The following CMC1 variants were observed in gnomAD, a reference collection of about 807,000 sequenced individuals.
The protein encoded by CMC1 is C-X9-C motif containing 1.
In CMC1, 14 loss-of-function variants were observed where a neutral mutation model predicts 14.1. The ratio of observed to expected loss-of-function variants is 0.99; its 90% CI spans 0.66 to 1.55. CMC1 has a LOEUF of 1.55. Among genes scored for constraint, CMC1 ranks in the 40% most tolerant of loss-of-function variants. The pLI is 0.00. For synonymous variants in CMC1, 50 were observed against 38.4 expected (o/e 1.30, Z -1.12); for missense variants, 127 against 123.8 (o/e 1.03, Z -0.12).
chr3:28,269,630 A>G (rs142830476), intron 2 of CMC1, among the ~76,000 whole-genome samples: 308 of 151,870 alleles, frequency 2.0e-3, no homozygotes, highest in African/African-American at 6.9e-3. Flanking sequence ...TAGTGGCGCA[A>G]TCTCAGCTCA....
At chr3:28,249,589 C>G (rs185980945) in intron 1 of CMC1, among the ~76,000 whole-genome samples, 1 of 152,246 alleles carries the variant, frequency 6.6e-6, no homozygotes, top group East Asian at 1.9e-4. Flanking sequence ...ATATCAATGC[C>G]TGGCTTTTAC....
chr3:28,290,276 A>G (rs1362920463), intron 2 of CMC1, among the ~76,000 whole-genome samples: 2 of 152,054 alleles, frequency 1.3e-5, no homozygotes, highest in African/African-American at 2.4e-5. Context: ...TTTATTGCCA[A>G]TAGTTAATTT....
chr3:28,254,359 T>C (rs906227436), intron 1 of CMC1, among the ~76,000 whole-genome samples: 5 of 151,598 alleles, frequency 3.3e-5, no homozygotes, highest in Non-Finnish European at 5.9e-5. Flanking sequence ...TAGTGGCTGG[T>C]ATGCTATCAA....
intron 3 of CMC1, chr3:28,316,780 T>C (rs547907259): frequency 2.5e-5 from 4 of 158,108 alleles, no homozygotes; most frequent in African/African-American, 9.6e-5. Flanking sequence ...TCTCTGAGAC[T>C]TCCTCCAGCC....
intron 1 of CMC1, among the ~76,000 whole-genome samples, chr3:28,251,374 C>A (rs1172610845): frequency 5.9e-5 from 9 of 152,290 alleles, no homozygotes; most frequent in Middle Eastern, 3.4e-3. Flanking sequence ...AGCAGGAATT[C>A]ATTACTGCTA....
At chr3:28,307,472 G>C (rs776691931) in intron 2 of CMC1, among the ~76,000 whole-genome samples, 1 of 152,116 alleles carries the variant, frequency 6.6e-6, no homozygotes, top group Non-Finnish European at 1.5e-5. Context: ...AGGCTACAGA[G>C]AGCTATGATC....
At chr3:28,252,892 C>G (rs1699203804) in intron 1 of CMC1, among the ~76,000 whole-genome samples, 1 of 152,146 alleles carries the variant, frequency 6.6e-6, no homozygotes, top group East Asian at 1.9e-4. Flanking sequence ...ATTCATTGCC[C>G]TCATCTTCAG....
chr3:28,309,352 G>A (rs755653567), intron 2 of CMC1, among the ~76,000 whole-genome samples: 10 of 151,906 alleles, frequency 6.6e-5, no homozygotes, highest in South Asian at 2.1e-4. Flanking sequence ...AAATTCATAT[G>A]CTATTCCTTT....
chr3:28,308,924 A>C (rs1436422389), intron 2 of CMC1, among the ~76,000 whole-genome samples: 2 of 151,964 alleles, frequency 1.3e-5, no homozygotes, highest in African/African-American at 4.8e-5. Context: ...CGGAGGTTGC[A>C]GTGAGCCAAG....
rs1041070669 is a variant in CMC1, at chr3:28,323,172, G to T, written c.*3543G>T. The T allele has an allele frequency of 6.6e-6, 1 of 150,956 alleles. No homozygotes were observed. Among genetic ancestry groups the T allele is most frequent in the Non-Finnish European group, 1.5e-5 (1 of 67,290 alleles). The allele number at this position is 150,956 out of a possible 1,614,324, so 9.4% of individuals were successfully genotyped here. A position where few individuals can be genotyped will look rare whatever the true frequency, so the allele number is the denominator to read the frequency against. On this transcript the variant is annotated 3_prime_UTR_variant, in exon 4 of 4. Coordinates refer to ENST00000466830, the MANE Select transcript of CMC1 (RefSeq NM_182523.2). The stretch of plus-strand genomic sequence containing the variant: ...ATTTAGAAGCTGCTCTACACAATGT[G>T]CAGCTAGCTGTAGTCTCTTTGAAGA...
At chr3:28,318,967 T>G (rs1369016217) in intron 3 of CMC1, 1 of 244,390 alleles carries the variant, frequency 4.1e-6, no homozygotes, top group Non-Finnish European at 8.3e-6. Flanking sequence ...ATGATTTGAC[T>G]TTTGCCCATT....
chr3:28,285,110 A>AT lies in CMC1; in HGVS notation c.109+21731dup, dbSNP rs576380602. Among the ~76,000 whole-genome samples the AT allele has an allele frequency of 2.6e-4, 40 of 152,288 alleles. 1 individual carries two copies. In the South Asian group the frequency reaches 8.3e-3, roughly 32 times the overall value. ...GAGATTCCTAAGTACTTAGGATGTA[A>AT]TGCTAATAATTAATTGATGAATTTA... is the stretch of plus-strand genomic sequence containing the variant. On this transcript the variant is annotated intron_variant, in intron 2 of 3. Transcript: ENST00000466830.
chr3:28,316,565 A>G (rs1174820398), intron 3 of CMC1, 142 bp downstream of exon 3: 4 of 419,466 alleles, frequency 9.5e-6, no homozygotes, highest in Non-Finnish European at 1.7e-5. Context: ...AAGTTCCAGT[A>G]CAGTCTTAAA....
chr3:28,303,227 A>G (rs1702149178), intron 2 of CMC1, among the ~76,000 whole-genome samples: 4 of 152,174 alleles, frequency 2.6e-5, no homozygotes, highest in Non-Finnish European at 5.9e-5. Flanking sequence ...ATTACTACTG[A>G]CATTATTAAC....
At position 28,241,635 on chromosome 3, in the gene CMC1, G is replaced by A. The variant is rs1223623443; in HGVS notation, c.-159G>A. The A allele has an allele frequency of 2.4e-6, 3 of 1,232,116 alleles. No individual in the cohort carries two copies. The highest frequency in any genetic ancestry group is 3.2e-5 in the East Asian group (1 of 31,682). The allele number at this position is 1,232,116 out of a possible 1,614,324, so 76.3% of individuals were successfully genotyped here. A position where few individuals can be genotyped will look rare whatever the true frequency, so the allele number is the denominator to read the frequency against. ...GGAAGTAGGAGCCTGGGAAGGAAGA[G>A]GGAACGGGTCCTGGCGGTGCTTTGC... On this transcript the variant is annotated 5_prime_UTR_variant, in exon 1 of 4. Transcript: ENST00000466830.
chr3:28,256,837 A>G (rs1699438127), intron 1 of CMC1, among the ~76,000 whole-genome samples: 1 of 152,236 alleles, frequency 6.6e-6, no homozygotes, highest in Admixed American at 6.5e-5. Context: ...GAATTAAAAA[A>G]GAGGATGCAA....
intron 2 of CMC1, among the ~76,000 whole-genome samples, chr3:28,296,726 C>T (rs1701756654): frequency 6.6e-6 from 1 of 151,936 alleles, no homozygotes; most frequent in Admixed American, 6.6e-5. Context: ...AGATGAACTG[C>T]TATGATTATG....
chr3:28,288,464 T>G (rs1405704017), intron 2 of CMC1, among the ~76,000 whole-genome samples: 1 of 152,020 alleles, frequency 6.6e-6, no homozygotes, highest in Non-Finnish European at 1.5e-5. Context: ...ATCCTTGCTC[T>G]TTCTCATTAC....
intron 2 of CMC1, among the ~76,000 whole-genome samples, chr3:28,302,670 G>A (rs898147719): frequency 6.6e-6 from 1 of 152,062 alleles, no homozygotes; most frequent in African/African-American, 2.4e-5. Flanking sequence ...TAGGAATACT[G>A]GAAAACAGTA....
Sources: gnomAD v4.1 joint callset for allele counts (sites outside exome capture counted in the v4.1 genomes callset) on GRCh38, gnomAD v4.1.1 for gene constraint, MANE v1.5 for transcripts, NCBI Gene and HGNC (gene_info 2026-07-23, HGNC 2026-07-21) for gene names.